Variants in CCSER1 observed in about 807,000 individuals in gnomAD.
CCSER1 encodes the protein coiled-coil serine rich protein 1.
A neutral mutation model predicts 82.0 loss-of-function variants in CCSER1; 41 were observed. That is an observed-to-expected ratio of 0.50 (90% CI 0.39 to 0.65). The LOEUF (loss-of-function observed/expected upper bound fraction) is 0.65, where lower values mean the gene tolerates loss of function less well. Among genes scored for constraint, CCSER1 ranks in the 30% least tolerant of loss-of-function variants. The pLI is 0.00. For synonymous variants in CCSER1, 414 were observed against 383.9 expected, an observed-to-expected ratio of 1.08 and a Z score of -0.92; for missense variants, 1,119 against 1,064.2, an observed-to-expected ratio of 1.05 and a Z score of -0.72.
chr4:90,603,527 A>G (rs71609597), intron 5 of CCSER1, among the ~76,000 whole-genome samples: 2,047 of 152,294 alleles, frequency 0.013, 26 homozygotes, highest in Non-Finnish European at 0.022. Context: ...CTTCCCTTGT[A>G]TTTTAGGAAA....
intron 5 of CCSER1, among the ~76,000 whole-genome samples, chr4:90,571,925 A>G (rs1197037538): frequency 6.6e-6 from 1 of 152,152 alleles, no homozygotes; most frequent in Non-Finnish European, 1.5e-5. Flanking sequence ...ATGCAGCACT[A>G]TTAGAGTATT....
chr4:91,309,665 C>A (rs149567056), intron 10 of CCSER1, among the ~76,000 whole-genome samples: 2 of 151,984 alleles, frequency 1.3e-5, no homozygotes, highest in African/African-American at 4.8e-5. Flanking sequence ...CTACAAGGAA[C>A]AACCAAGGCA....
chr4:90,738,612 A>C (rs1263404811), intron 7 of CCSER1, among the ~76,000 whole-genome samples: 1 of 152,092 alleles, frequency 6.6e-6, no homozygotes, highest in African/African-American at 2.4e-5. Flanking sequence ...TGACCTCCCA[A>C]GGCCCACTAT....
chr4:90,620,362 G>A (rs920015898), intron 5 of CCSER1, among the ~76,000 whole-genome samples: 1 of 152,044 alleles, frequency 6.6e-6, no homozygotes, highest in African/African-American at 2.4e-5. Context: ...AATTAATTTA[G>A]GCTTGAGCTT....
intron 6 of CCSER1, among the ~76,000 whole-genome samples, chr4:90,636,899 A>G (rs769048096): frequency 1.3e-5 from 2 of 152,180 alleles, no homozygotes; most frequent in Non-Finnish European, 2.9e-5. Flanking sequence ...GTATGAGCAG[A>G]TATGTTTGTT....
At chr4:91,408,040 G>GT (rs1027186078) in intron 10 of CCSER1, among the ~76,000 whole-genome samples, 18 of 151,190 alleles carry the variant, frequency 1.2e-4, no homozygotes, top group African/African-American at 3.9e-4. Context: ...CTCCAGGCCA[G>GT]TAAAAAAAAA....
chr4:90,672,944 A>G lies in CCSER1; in HGVS notation c.1932+44712A>G, dbSNP rs186101953. On this transcript the variant is annotated intron_variant, in intron 6 of 10. Coordinates refer to ENST00000509176, the MANE Select transcript of CCSER1 (RefSeq NM_001145065.2). ...TTTATGTGGCTGTGGTGTGTGGTAC[A>G]CCAAAAAAATTACAGTAGTAAAGTA... Among the ~76,000 whole-genome samples, 165 of 152,110 alleles carry G rather than the reference A, an allele frequency of 1.1e-3. 1 individual carries two copies. The highest frequency in any genetic ancestry group is 3.9e-3 in the African/African-American group (160 of 41,554).
chr4:90,157,318 A>G (rs926115592), intron 1 of CCSER1, among the ~76,000 whole-genome samples: 77 of 151,964 alleles, frequency 5.1e-4, no homozygotes, highest in African/African-American at 1.8e-3. Flanking sequence ...TTTTTCCTTC[A>G]TTTCAACTTT....
chr4:90,744,609 C>T (rs571606910), intron 7 of CCSER1, among the ~76,000 whole-genome samples: 16 of 152,232 alleles, frequency 1.1e-4, no homozygotes, highest in African/African-American at 3.9e-4. Flanking sequence ...GGGTCCACAA[C>T]CATCAGGCCA....
At chr4:91,248,394 AAC>A (rs1411820910) in intron 10 of CCSER1, among the ~76,000 whole-genome samples, 5 of 152,168 alleles carry the variant, frequency 3.3e-5, no homozygotes, top group African/African-American at 1.2e-4. Flanking sequence ...AAACTGGAAA[AAC>A]ACTACCTCAG....
At chr4:91,534,719 T>G (rs530802579) in intron 10 of CCSER1, among the ~76,000 whole-genome samples, 1 of 152,094 alleles carries the variant, frequency 6.6e-6, no homozygotes, top group South Asian at 2.1e-4. Context: ...GTGATTGACA[T>G]ATCTCTTTAA....
chr4:91,377,410 T>C (rs1750509843), intron 10 of CCSER1, among the ~76,000 whole-genome samples: 1 of 152,134 alleles, frequency 6.6e-6, no homozygotes, highest in Admixed American at 6.6e-5. Context: ...CTCCAGCACC[T>C]GTTGTTTCCT....
intron 1 of CCSER1, among the ~76,000 whole-genome samples, chr4:90,237,591 C>CA (rs1039364649): frequency 1.5e-4 from 23 of 152,142 alleles, no homozygotes; most frequent in African/African-American, 5.5e-4. Flanking sequence ...TAAAACAAGG[C>CA]AAAATAACAA....
At chr4:90,703,223 G>A (rs577606537) in intron 6 of CCSER1, among the ~76,000 whole-genome samples, 9 of 152,164 alleles carry the variant, frequency 5.9e-5, no homozygotes, top group Middle Eastern at 3.4e-3. Flanking sequence ...CCTTCATTTC[G>A]TTATGTACCC....
intron 8 of CCSER1, among the ~76,000 whole-genome samples, chr4:90,914,839 C>T (rs1165772940): frequency 6.6e-6 from 1 of 151,720 alleles, no homozygotes; most frequent in East Asian, 1.9e-4. Context: ...GGATATCACC[C>T]CCAATCCCAC....
At position 90,668,611 on chromosome 4, in the gene CCSER1, A is replaced by C. The variant is rs1579835917; in HGVS notation, c.1932+40379A>C. Among the ~76,000 whole-genome samples the C allele has an allele frequency of 2.0e-5, 3 of 152,150 alleles. No individual in the cohort carries two copies. In the South Asian group the frequency reaches 6.2e-4, roughly 31 times the overall value. On this transcript the variant is annotated intron_variant, in intron 6 of 10. Transcript: ENST00000509176. ...ATTTGACAAGGATATGAAAAATCAT[A>C]TACCAGGTATATGAGGTTAAATGTA...
chr4:90,249,575 A>G (rs558890669), intron 1 of CCSER1, among the ~76,000 whole-genome samples: 1 of 152,306 alleles, frequency 6.6e-6, no homozygotes, highest in African/African-American at 2.4e-5. Context: ...AACACTTCAT[A>G]TAAATAGAAC....
At chr4:91,535,858 T>C (rs1483135626) in intron 10 of CCSER1, among the ~76,000 whole-genome samples, 1 of 152,062 alleles carries the variant, frequency 6.6e-6, no homozygotes, top group Non-Finnish European at 1.5e-5. Flanking sequence ...GATGAAGCAA[T>C]GCTTACAGGG....
At chr4:91,225,587 T>C (rs954267837) in intron 10 of CCSER1, among the ~76,000 whole-genome samples, 1 of 151,412 alleles carries the variant, frequency 6.6e-6, no homozygotes, top group East Asian at 1.9e-4. Context: ...TTGATGTAGA[T>C]TAAAACCTTT....
Sources: allele counts gnomAD v4.1 joint callset (sites outside exome capture counted in the v4.1 genomes callset), GRCh38; gene constraint gnomAD v4.1.1; transcripts MANE v1.5; gene names NCBI Gene and HGNC (gene_info 2026-07-23, HGNC 2026-07-21).